The following ZBTB4 variants were observed in gnomAD, a reference collection of about 807,000 sequenced individuals.
ZBTB4 encodes the protein zinc finger and BTB domain-containing protein 4.
ZBTB4 carries 14 observed loss-of-function variants against 59.8 expected under a neutral mutation model. That is an observed-to-expected ratio of 0.23 (90% CI 0.15 to 0.37). The LOEUF is 0.37. Ranked by LOEUF, ZBTB4 falls within the 10% of genes least tolerant of loss-of-function variation. The pLI, the probability that ZBTB4 is intolerant of heterozygous loss-of-function variation, is 1.00. For synonymous variants in ZBTB4, 587 were observed against 575.2 expected (o/e 1.02, Z -0.29); for missense variants, 1,198 against 1,380.8 (o/e 0.87, Z 2.10).
chr17:7,463,971 C>A (rs1346454439), intron 3 of ZBTB4, 81 bp from the exon 4 acceptor site: 1 of 1,521,684 alleles, frequency 6.6e-7, no homozygotes, highest in Non-Finnish European at 8.7e-7. Flanking sequence ...TCCTCCTACA[C>A]CCTGCACTCA....
At chr17:7,482,034 C>G (rs200499501), upstream of ZBTB4, 71 of 1,612,196 alleles carry the variant, frequency 4.4e-5, no homozygotes, top group Non-Finnish European at 6.0e-5. Flanking sequence ...ACACACCCAT[C>G]GCCGCCCTCC....
upstream of ZBTB4, among the ~76,000 whole-genome samples, chr17:7,480,647 G>A (rs1259701025): frequency 6.6e-6 from 1 of 152,122 alleles, no homozygotes; most frequent in African/African-American, 2.4e-5. Context: ...GTGAACCTGG[G>A]AGGCGGAGCT....
rs768556627 is a variant in ZBTB4 at position 7,463,034 on chromosome 17, C to T, written c.1948G>A (p.Glu650Lys). The change falls in exon 4 of 4, where the codon GAG (glutamate) becomes AAG (lysine). Residue 650 changes from glutamate to lysine, a missense_variant. Transcript: ENST00000380599. ...CCAGCCTTTGATTCCTCCTCATCCTCCTCCTCCTCCTCTTCGTCCTCCTCC... is the reference window on the plus strand; with the variant it reads ...CCAGCCTTTGATTCCTCCTCATCCTTCTCCTCCTCCTCTTCGTCCTCCTCC... ...EEEEDEEEEEEDEEESKAGGE... is the reference protein window; with the variant it reads ...EEEEDEEEEEKDEEESKAGGE... The T allele has an allele frequency of 1.2e-6, 2 of 1,611,346 alleles. No individual in the cohort carries two copies. The highest frequency in any genetic ancestry group is 2.2e-5 in the South Asian group (2 of 90,990).
At position 7,462,551 on chromosome 17, in the gene ZBTB4, G is replaced by A. The variant is rs1300917847; in HGVS notation, c.2431C>T (p.Pro811Ser). The A allele has an allele frequency of 1.2e-6, 2 of 1,613,836 alleles. No individual in the cohort carries two copies. The highest frequency in any genetic ancestry group is 1.3e-5 in the African/African-American group (1 of 75,058). ...AYSKGSAGTR[P>S]GDVKEEAPQE... ...GGGGCTTCCTCCTTGACATCCCCGG[G>A]CCTGGTGCCAGCGCTGCCCTTGGAA... The change falls in exon 4 of 4, where the codon CCC becomes TCC. Residue 811 changes from proline to serine, a missense_variant. Pro to Ser is a moderately conservative substitution (Grantham distance 74). Around this residue, in one of 9 missense-constraint regions of ZBTB4, gnomAD observed 550 missense variants for 541.8 expected, o/e 1.02. Transcript: ENST00000380599. The surrounding 1 kb of genome is among the most constrained non-coding windows in gnomAD (Gnocchi z 7.5).
In ZBTB4 at chr17:7,463,304, G is replaced by A. The variant is rs1161112700; in HGVS notation, c.1678C>T (p.Arg560Trp). The A allele has an allele frequency of 6.2e-6, 10 of 1,609,368 alleles. No homozygotes were observed. Among genetic ancestry groups the A allele is most frequent in the South Asian group, 4.4e-5 (4 of 90,124 alleles). Residue 560 changes from arginine to tryptophan, a missense_variant, in exon 4 of 4, where the codon CGG becomes TGG. Around this residue, in one of 9 missense-constraint regions of ZBTB4, gnomAD observed 550 missense variants for 541.8 expected, o/e 1.02. Transcript: ENST00000380599. ...MATTTEEAKG[R>W]NPRAGRTLTY... ...AGAGTCCTTCCAGCCCGTGGATTCC[G>A]GCCCTTGGCCTCCTCCGTGGTGGTG...
intron 1 of ZBTB4, among the ~76,000 whole-genome samples, chr17:7,468,032 A>G (rs1339804961): frequency 6.6e-6 from 1 of 152,210 alleles, no homozygotes; most frequent in Non-Finnish European, 1.5e-5. Context: ...AAAAAGCGGC[A>G]GAATCACAAC....
In ZBTB4 at chr17:7,462,159, C is replaced by T; in HGVS notation, c.2823G>A (p.Leu941=). The T allele has an allele frequency of 1.2e-6, 2 of 1,613,786 alleles. No homozygotes were observed. Among genetic ancestry groups the T allele is most frequent in the Non-Finnish European group, 1.7e-6 (2 of 1,179,884 alleles). The change falls in exon 4 of 4, where the codon TTG becomes TTA. Residue 941 remains leucine, a synonymous_variant. Coordinates refer to ENST00000380599, the MANE Select transcript of ZBTB4 (RefSeq NM_001128833.2). The surrounding 1 kb of genome is among the most constrained non-coding windows in gnomAD (Gnocchi z 7.5). ...TGTTGAGAGCAACCGGGAGAGCGGC[C>T]AAGTTACTGAAGTTGTAAGGGTAGG... is the stretch of plus-strand genomic sequence containing the variant. ...LAAYPYNFSN[L]AALPVALNMV... is the part of the protein sequence containing the mutation.
rs1411515220 is a variant in ZBTB4 at position 7,466,615 on chromosome 17, C to T, written c.187G>A (p.Ala63Thr). 2 of 1,613,796 alleles carry T rather than the reference C, an allele frequency of 1.2e-6. No individual in the cohort carries two copies. Among genetic ancestry groups the T allele is most frequent in the Admixed American group, 1.7e-5 (1 of 59,978 alleles). ...GTAGCTGGTGGAAGGGGTAGTGGGGCTGAAGTGAGCAGGGCCTCTCTGAAG... is the reference window on the plus strand; with the variant it reads ...GTAGCTGGTGGAAGGGGTAGTGGGGTTGAAGTGAGCAGGGCCTCTCTGAAG... ...PFFREALLTSAPLPLPPATGG... is the reference protein window; with the variant it reads ...PFFREALLTSTPLPLPPATGG... Residue 63 changes from alanine to threonine, a missense_variant, in exon 3 of 4, where the codon GCC (alanine) becomes ACC (threonine). Physicochemically the swap from Ala to Thr is moderately conservative, Grantham distance 58. Coordinates refer to ENST00000380599, the MANE Select transcript of ZBTB4 (RefSeq NM_001128833.2). This position sits in a 1 kb window ranked among gnomAD's most constrained non-coding sequence, Gnocchi z 9.1.
rs149581086 is a variant in ZBTB4 at position 7,462,736 on chromosome 17, C to A, written c.2246G>T (p.Gly749Val). The A allele has an allele frequency of 1.5e-5, 24 of 1,603,618 alleles. No homozygotes were observed. Among genetic ancestry groups the A allele is most frequent in the Non-Finnish European group, 1.9e-5 (22 of 1,179,816 alleles). Reference sequence around the variant, plus strand: ...GGCCCGGGAGCTGTGGGAGCCCCCACCGTGGGCCTCTTGGTGCTTCCGCAG... The same window carrying A: ...GGCCCGGGAGCTGTGGGAGCCCCCAACGTGGGCCTCTTGGTGCTTCCGCAG... ...RKLRKHQEAHGGGSHSSRAGR... is the reference protein window; with the variant it reads ...RKLRKHQEAHVGGSHSSRAGR... The change falls in exon 4 of 4, where the codon GGT becomes GTT. Residue 749 changes from glycine (G) to valine (V), a missense_variant. Coordinates refer to ENST00000380599, the MANE Select transcript of ZBTB4 (RefSeq NM_001128833.2). The surrounding 1 kb of genome is among the most constrained non-coding windows in gnomAD (Gnocchi z 7.5).
chr17:7,470,853 C>T (rs1015403651), intron 1 of ZBTB4, among the ~76,000 whole-genome samples: 28 of 152,112 alleles, frequency 1.8e-4, no homozygotes, highest in African/African-American at 5.8e-4. Context: ...TAACGAAGGA[C>T]GTGTTTATGG....
Position 7,461,804 on chromosome 17 carries a change from C to A in ZBTB4, c.*136G>T, listed in dbSNP as rs2070023993. ...CATCTCACACAAAGCAGCCTGACCC[C>A]TGAGCTCCAGGGGCCCCCAAGTCCC... On this transcript the variant is annotated 3_prime_UTR_variant, in exon 4 of 4. Coordinates refer to ENST00000380599, the MANE Select transcript of ZBTB4 (RefSeq NM_001128833.2). 2.9e-6 allele frequency: 2 copies of A among 680,310 alleles called. No individual in the cohort carries two copies. Among genetic ancestry groups the A allele is most frequent in the Admixed American group, 5.7e-5 (2 of 35,022 alleles). 42.1% of individuals were successfully genotyped at this position (680,310 alleles called of 1,614,324 possible).
In ZBTB4 at chr17:7,466,732, G is replaced by A. The variant is rs1271158786; in HGVS notation, c.70C>T (p.Arg24Trp). The A allele has an allele frequency of 3.1e-6, 5 of 1,599,966 alleles. No homozygotes were observed. Among genetic ancestry groups the A allele is most frequent in the Admixed American group, 1.8e-5 (1 of 56,524 alleles). The change falls in exon 3 of 4, where the codon CGG becomes TGG. Residue 24 changes from arginine to tryptophan, a missense_variant. Physicochemically the swap from Arg to Trp is moderately radical, Grantham distance 101 (BLOSUM62 -3). Around this residue, in one of 9 missense-constraint regions of ZBTB4, gnomAD observed 44 missense variants for 86.2 expected, o/e 0.51. Coordinates refer to ENST00000380599, the MANE Select transcript of ZBTB4 (RefSeq NM_001128833.2). This position sits in a 1 kb window ranked among gnomAD's most constrained non-coding sequence, Gnocchi z 9.1. Reference sequence around the variant, plus strand: ...ACGTCACAGAAGAGGCCACGGAGCCGCTGTTCATTGAGCTGGCGCAGGACG... The same window carrying A: ...ACGTCACAGAAGAGGCCACGGAGCCACTGTTCATTGAGCTGGCGCAGGACG... Reference protein sequence around the residue: ...PAVLRQLNEQRLRGLFCDVTL... With the variant: ...PAVLRQLNEQWLRGLFCDVTL...
rs552631985 is a variant in ZBTB4 at position 7,470,622 on chromosome 17, G to A, written c.-80-3295C>T. ...GAGGCAGGAGAATCACTTGAACCCA[G>A]GAGGCAAAGGTTGCAGTGAGCCGAG... On this transcript the variant is annotated intron_variant, in intron 1 of 3. Transcript: ENST00000380599. 2.6e-5 allele frequency among the ~76,000 whole-genome samples: 4 copies of A among 152,300 alleles called. No homozygotes were observed. In the South Asian group the frequency reaches 8.3e-4, roughly 32 times the overall value.
upstream of ZBTB4, chr17:7,482,135 G>A (rs3760422): frequency 0.16 from 259,669 of 1,614,042 alleles, 22,713 homozygotes; most frequent in East Asian, 0.22. Flanking sequence ...GGGCCTGCCT[G>A]CTGGCTTCGT....
At chr17:7,477,662 C>A (rs181421730) in intron 1 of ZBTB4, among the ~76,000 whole-genome samples, 66 of 152,304 alleles carry the variant, frequency 4.3e-4, no homozygotes, top group Non-Finnish European at 8.1e-4. Flanking sequence ...TGTTCTGAGG[C>A]CCTTCCACCG....
In ZBTB4 at chr17:7,463,300, T is replaced by C. The variant is rs34914463; in HGVS notation, c.1682A>G (p.Asn561Ser). The change falls in exon 4 of 4, where the codon AAT becomes AGT. Residue 561 changes from asparagine (N) to serine (S), a missense_variant. Physicochemically the swap from Asn to Ser is conservative, Grantham distance 46. Around this residue, in one of 9 missense-constraint regions of ZBTB4, gnomAD observed 550 missense variants for 541.8 expected, o/e 1.02. Transcript: ENST00000380599. ...AGTCAGAGTCCTTCCAGCCCGTGGA[T>C]TCCGGCCCTTGGCCTCCTCCGTGGT... ...ATTTEEAKGR[N>S]PRAGRTLTYT... The C allele has an allele frequency of 0.1, 167,754 of 1,609,426 alleles. 10,385 individuals are homozygous for C. The highest frequency in any genetic ancestry group is 0.13 in the Non-Finnish European group (148,750 of 1,178,036).
At chr17:7,480,802 C>G (rs1398900034), upstream of ZBTB4, among the ~76,000 whole-genome samples, 1 of 151,886 alleles carries the variant, frequency 6.6e-6, no homozygotes, top group Non-Finnish European at 1.5e-5. Context: ...ACAGAGCTAG[C>G]CATAAAAAGA....
chr17:7,462,530 C>G lies in ZBTB4; in HGVS notation c.2452G>C (p.Ala818Pro). The stretch of plus-strand genomic sequence containing the variant: ...GAGGAGACTTGCATCTCTTGGGGGG[C>G]TTCCTCCTTGACATCCCCGGGCCTG... Reference protein sequence around the residue: ...GTRPGDVKEEAPQEMQVSSSS... With the variant: ...GTRPGDVKEEPPQEMQVSSSS... The change falls in exon 4 of 4, where the codon GCC (alanine) becomes CCC (proline). Residue 818 changes from alanine to proline, a missense_variant. Around this residue, in one of 9 missense-constraint regions of ZBTB4, gnomAD observed 550 missense variants for 541.8 expected, o/e 1.02. Coordinates refer to ENST00000380599, the MANE Select transcript of ZBTB4 (RefSeq NM_001128833.2). The surrounding 1 kb of genome is among the most constrained non-coding windows in gnomAD (Gnocchi z 7.5). 6.2e-7 allele frequency: 1 copy of G among 1,613,978 alleles called. No homozygotes were observed. Among genetic ancestry groups the G allele is most frequent in the Non-Finnish European group, 8.5e-7 (1 of 1,180,004 alleles).
chr17:7,479,195 C>T (rs1335756668), intron 1 of ZBTB4, among the ~76,000 whole-genome samples: 4 of 152,154 alleles, frequency 2.6e-5, no homozygotes, highest in Non-Finnish European at 5.9e-5. Flanking sequence ...TCCCCTTCCA[C>T]GGCCCCAGGC....
Sources: gnomAD v4.1 joint callset for allele counts (sites outside exome capture counted in the v4.1 genomes callset) on GRCh38, gnomAD v4.1.1 for gene constraint, gnomAD v4.1.1 regional missense constraint, Gnocchi (gnomAD v3.1) non-coding constraint, MANE v1.5 for transcripts, NCBI Gene and HGNC (gene_info 2026-07-23, HGNC 2026-07-21) for gene names.